The following ABHD17C variants were observed in gnomAD, a reference collection of about 807,000 sequenced individuals.
ABHD17C encodes alpha/beta hydrolase domain-containing protein 17C.
In ABHD17C, 11 loss-of-function variants were observed where a neutral mutation model predicts 27.9. The ratio of observed to expected loss-of-function variants is 0.39; its 90% CI spans 0.25 to 0.65. The LOEUF (loss-of-function observed/expected upper bound fraction) is 0.65, where lower values mean the gene tolerates loss of function less well. Among genes scored for constraint, ABHD17C ranks in the 30% least tolerant of loss-of-function variants. ABHD17C has a pLI of 0.45. For missense variants in ABHD17C, 280 were observed against 470.2 expected (o/e 0.60, Z 3.74); for synonymous variants, 233 against 209.1 (o/e 1.11, Z -0.98).
chr15:80,737,459 G>T (rs1373061693), intron 1 of ABHD17C, among the ~76,000 whole-genome samples: 2 of 152,124 alleles, frequency 1.3e-5, no homozygotes, highest in African/African-American at 2.4e-5. Flanking sequence ...ACAGCTTTTG[G>T]CTAGAATCAC....
At chr15:80,735,134 G>A (rs1476831578) in intron 1 of ABHD17C, among the ~76,000 whole-genome samples, 1 of 152,048 alleles carries the variant, frequency 6.6e-6, no homozygotes, top group East Asian at 1.9e-4. Flanking sequence ...GAGAGCTCAG[G>A]GACTGGTCTT....
chr15:80,714,083 A>C (rs1894770693), intron 1 of ABHD17C, among the ~76,000 whole-genome samples: 1 of 152,068 alleles, frequency 6.6e-6, no homozygotes, highest in African/African-American at 2.4e-5. Flanking sequence ...CCTCCTGAGT[A>C]GCTGGGACTA....
chr15:80,701,540 G>A (rs1459442576), intron 1 of ABHD17C, among the ~76,000 whole-genome samples: 1 of 151,952 alleles, frequency 6.6e-6, no homozygotes, highest in Non-Finnish European at 1.5e-5. Context: ...TTAGCTGGTC[G>A]TGGTGGCAGG....
Position 80,725,465 on chromosome 15 carries a change from A to G in ABHD17C, c.591-24048A>G, listed in dbSNP as rs187566117. On this transcript the variant is annotated intron_variant, in intron 1 of 2. Transcript: ENST00000258884. The stretch of plus-strand genomic sequence containing the variant: ...TTTGATGGTCAAGATGACTCTCATT[A>G]TATCACCTCTCAATACCTGGTGTCA... Among the ~76,000 whole-genome samples the G allele has an allele frequency of 2.6e-3, 386 of 150,522 alleles. 2 individuals are homozygous for G. The highest frequency in any genetic ancestry group is 8.9e-3 in the African/African-American group (370 of 41,404).
At chr15:80,716,861 C>A (rs1023518157) in intron 1 of ABHD17C, among the ~76,000 whole-genome samples, 1 of 152,200 alleles carries the variant, frequency 6.6e-6, no homozygotes, top group African/African-American at 2.4e-5. Context: ...CCATCCATGT[C>A]CTTCTCTCCG....
At chr15:80,700,748 A>G (rs1319511496) in intron 1 of ABHD17C, among the ~76,000 whole-genome samples, 3 of 152,018 alleles carry the variant, frequency 2.0e-5, no homozygotes, top group Non-Finnish European at 4.4e-5. Context: ...AAAAATTTTT[A>G]AAAGTAGCCA....
In ABHD17C at chr15:80,754,142, G is replaced by C. The variant is rs747159342; in HGVS notation, c.771-9G>C. ...TCCTCTTTCTGCCTCCCCCCTTTCT[G>C]TTTTGCAGCATTGACAAGATATCTA... On this transcript the variant is annotated splice_polypyrimidine_tract_variant and intron_variant, in intron 2 of 2. Transcript: ENST00000258884. The C allele has an allele frequency of 6.2e-7, 1 of 1,610,866 alleles. No individual in the cohort carries two copies. Among genetic ancestry groups the C allele is most frequent in the Admixed American group, 1.7e-5 (1 of 59,952 alleles).
intron 1 of ABHD17C, among the ~76,000 whole-genome samples, chr15:80,706,069 G>C (rs1894644348): frequency 6.6e-6 from 1 of 152,196 alleles, no homozygotes; most frequent in Non-Finnish European, 1.5e-5. Context: ...AAGATGTTCT[G>C]GTTGCTCTTT....
intron 1 of ABHD17C, among the ~76,000 whole-genome samples, chr15:80,740,750 C>T (rs755170159): frequency 6.6e-6 from 1 of 152,152 alleles, no homozygotes; most frequent in Non-Finnish European, 1.5e-5. Flanking sequence ...AGTGTCAGAA[C>T]CTGCCGTGGG....
chr15:80,709,834 C>T (rs1452740035), intron 1 of ABHD17C, among the ~76,000 whole-genome samples: 1 of 152,168 alleles, frequency 6.6e-6, no homozygotes, highest in Non-Finnish European at 1.5e-5. Context: ...TTCTGACACA[C>T]CTAATATCCT....
At chr15:80,735,539 ACT>A (rs1299208414) in intron 1 of ABHD17C, among the ~76,000 whole-genome samples, 2 of 150,386 alleles carry the variant, frequency 1.3e-5, no homozygotes, top group African/African-American at 2.5e-5. Flanking sequence ...GCCTTTCCAC[ACT>A]CTGTTTCCTC....
At chr15:80,727,696 G>A (rs1895000044) in intron 1 of ABHD17C, among the ~76,000 whole-genome samples, 1 of 152,058 alleles carries the variant, frequency 6.6e-6, no homozygotes. Flanking sequence ...TCCCAAGGTT[G>A]AGGGGGCCAA....
chr15:80,720,851 G>C (rs1011962292), intron 1 of ABHD17C, among the ~76,000 whole-genome samples: 1 of 151,772 alleles, frequency 6.6e-6, no homozygotes, highest in South Asian at 2.1e-4. Context: ...AACCCGGGAG[G>C]TGGAGGTTGC....
chr15:80,718,072 GC>G (rs1310521149), intron 1 of ABHD17C, among the ~76,000 whole-genome samples: 2 of 152,104 alleles, frequency 1.3e-5, no homozygotes, highest in Admixed American at 6.5e-5. Flanking sequence ...CAAAACAGAA[GC>G]CTACTTGAGT....
Position 80,752,342 on chromosome 15 carries a change from A to G in ABHD17C, c.771-1809A>G, listed in dbSNP as rs545192856. ...ATTACATGGCTGATGAGGTTTTGCA[A>G]TCTTTCTGGGATGTCTTGAAGTGGT... On this transcript the variant is annotated intron_variant, in intron 2 of 2. Coordinates refer to ENST00000258884, the MANE Select transcript of ABHD17C (RefSeq NM_021214.2). Among the ~76,000 whole-genome samples, 13 of 152,316 alleles carry G rather than the reference A, an allele frequency of 8.5e-5. No individual in the cohort carries two copies. In the South Asian group the frequency reaches 1.0e-3, roughly 12 times the overall value.
At chr15:80,709,678 CG>C (rs1190980416) in intron 1 of ABHD17C, among the ~76,000 whole-genome samples, 2 of 152,066 alleles carry the variant, frequency 1.3e-5, no homozygotes, top group Non-Finnish European at 2.9e-5. Context: ...TCAGCAGCCC[CG>C]CCTCACACTT....
At chr15:80,711,959 T>A (rs1894733931) in intron 1 of ABHD17C, among the ~76,000 whole-genome samples, 1 of 152,208 alleles carries the variant, frequency 6.6e-6, no homozygotes, top group African/African-American at 2.4e-5. Context: ...AAAAATGCCG[T>A]GGCCTTTCTT....
intron 1 of ABHD17C, among the ~76,000 whole-genome samples, chr15:80,708,133 CTCT>C (rs1464463600): frequency 6.6e-6 from 1 of 152,114 alleles, no homozygotes; most frequent in East Asian, 1.9e-4. Flanking sequence ...TGGTCCCTTT[CTCT>C]TCTTCATCTG....
At chr15:80,740,113 A>C (rs1397664074) in intron 1 of ABHD17C, among the ~76,000 whole-genome samples, 2 of 152,054 alleles carry the variant, frequency 1.3e-5, no homozygotes, top group South Asian at 4.2e-4. Flanking sequence ...CCTTGATACT[A>C]TGTCCAACAG....
Sources: gnomAD v4.1 joint callset for allele counts (sites outside exome capture counted in the v4.1 genomes callset) on GRCh38, gnomAD v4.1.1 for gene constraint, MANE v1.5 for transcripts, NCBI Gene and HGNC (gene_info 2026-07-23, HGNC 2026-07-21) for gene names.